Variants in BAIAP2L1 observed in about 807,000 individuals in gnomAD.
BAIAP2L1 encodes BAR/IMD domain-containing adapter protein 2-like 1.
Under a neutral mutation model 66.3 loss-of-function variants are expected in BAIAP2L1, and 35 were observed. That is an observed-to-expected ratio of 0.53 (90% CI 0.40 to 0.70). The LOEUF is 0.70. BAIAP2L1 is among the 30% of genes least tolerant of loss of function. The pLI is 0.00. For missense variants in BAIAP2L1, 622 were observed against 656.9 expected, an observed-to-expected ratio of 0.95 and a Z score of 0.58; for synonymous variants, 269 against 248.7, an observed-to-expected ratio of 1.08 and a Z score of -0.77.
At chr7:98,331,992 G>A (rs542524260) in intron 3 of BAIAP2L1, among the ~76,000 whole-genome samples, 1 of 152,204 alleles carries the variant, frequency 6.6e-6, no homozygotes, top group Non-Finnish European at 1.5e-5. Context: ...AAAAACTGAG[G>A]GGATTGGTTA....
chr7:98,368,253 T>G (rs1802433311), intron 1 of BAIAP2L1, among the ~76,000 whole-genome samples: 1 of 152,070 alleles, frequency 6.6e-6, no homozygotes, highest in Admixed American at 6.6e-5. Flanking sequence ...ACCCTGTCTC[T>G]ACTAAAAAAT....
intron 11 of BAIAP2L1, among the ~76,000 whole-genome samples, chr7:98,305,680 C>G (rs1253699357): frequency 6.6e-6 from 1 of 152,186 alleles, no homozygotes; most frequent in Non-Finnish European, 1.5e-5. Context: ...GCCTCCATCT[C>G]CCAAAGTGCT....
intron 1 of BAIAP2L1, among the ~76,000 whole-genome samples, chr7:98,370,369 T>G (rs1356272356): frequency 5.4e-5 from 3 of 55,258 alleles, no homozygotes. Context: ...TAAGGCTCCG[T>G]CTCAAAAAAA....
At chr7:98,343,262 CACACACACACACACACACACACACAG>C (rs1254798515) in intron 3 of BAIAP2L1, among the ~76,000 whole-genome samples, 15 of 149,658 alleles carry the variant, frequency 1.0e-4, no homozygotes, top group Non-Finnish European at 1.8e-4. Flanking sequence ...CACACACACA[CACACACACACACACACACACACACAG>C]ACACACACAC....
chr7:98,396,892 C>T (rs554793726), intron 1 of BAIAP2L1, among the ~76,000 whole-genome samples: 8 of 152,212 alleles, frequency 5.3e-5, no homozygotes, highest in Non-Finnish European at 8.8e-5. Flanking sequence ...CATCGGAGGG[C>T]GCCAGGAGCC....
At chr7:98,350,250 G>A (rs1384198457) in intron 3 of BAIAP2L1, among the ~76,000 whole-genome samples, 1 of 152,024 alleles carries the variant, frequency 6.6e-6, no homozygotes, top group Non-Finnish European at 1.5e-5. Context: ...TTTCAACCAC[G>A]AGTCAGTGGC....
intron 1 of BAIAP2L1, among the ~76,000 whole-genome samples, chr7:98,382,646 A>G (rs1802785103): frequency 1.3e-5 from 2 of 152,158 alleles, no homozygotes; most frequent in Admixed American, 6.5e-5. Context: ...CCATAACTCT[A>G]TATAGTTATG....
At chr7:98,321,630 C>T (rs1013112338) in intron 3 of BAIAP2L1, among the ~76,000 whole-genome samples, 6 of 152,174 alleles carry the variant, frequency 3.9e-5, no homozygotes, top group Non-Finnish European at 8.8e-5. Context: ...TGAACAAGGG[C>T]CTCTCTCTGC....
intron 1 of BAIAP2L1, among the ~76,000 whole-genome samples, chr7:98,367,668 T>C (rs180824028): frequency 1.3e-5 from 2 of 151,898 alleles, no homozygotes; most frequent in African/African-American, 4.8e-5. Flanking sequence ...CCCGAGTAGC[T>C]GGGACTACAG....
chr7:98,388,580 A>G (rs1802951584), intron 1 of BAIAP2L1, among the ~76,000 whole-genome samples: 1 of 152,246 alleles, frequency 6.6e-6, no homozygotes, highest in South Asian at 2.1e-4. Flanking sequence ...GTTCAGTCAC[A>G]TATTGTACTG....
intron 1 of BAIAP2L1, among the ~76,000 whole-genome samples, chr7:98,399,200 G>C (rs1803290603): frequency 6.6e-6 from 1 of 152,092 alleles, no homozygotes; most frequent in South Asian, 2.1e-4. Flanking sequence ...CTCTATGAAG[G>C]CAACACACGA....
At chr7:98,349,302 C>T (rs967171352) in intron 3 of BAIAP2L1, among the ~76,000 whole-genome samples, 21 of 152,160 alleles carry the variant, frequency 1.4e-4, no homozygotes, top group Middle Eastern at 3.2e-3. Context: ...GCCCGGCACG[C>T]GGTGGACACA....
chr7:98,400,517 C>A lies in BAIAP2L1; in HGVS notation c.51+285G>T, dbSNP rs545679425. On this transcript the variant is annotated intron_variant, in intron 1 of 13. Transcript: ENST00000005260. The stretch of plus-strand genomic sequence containing the variant: ...CGGAGGGGCAGAGGGAGAGGTACAG[C>A]GGGGCGGGAAAGAGAGACAGGGAAG... Among the ~76,000 whole-genome samples, 5 of 108,420 alleles carry A rather than the reference C, an allele frequency of 4.6e-5. No homozygotes were observed. In the South Asian group the frequency reaches 1.8e-3, roughly 39 times the overall value. 71.1% of individuals were successfully genotyped at this position (108,420 alleles called of 152,430 possible). A position where few individuals can be genotyped will look rare whatever the true frequency, so the allele number is the denominator to read the frequency against.
chr7:98,298,592 GAC>G (rs1360216791), intron 12 of BAIAP2L1, among the ~76,000 whole-genome samples: 6 of 152,048 alleles, frequency 3.9e-5, no homozygotes, highest in Non-Finnish European at 7.4e-5. Context: ...CAGCCTGGGT[GAC>G]AGAGCAAGAC....
intron 3 of BAIAP2L1, among the ~76,000 whole-genome samples, chr7:98,348,932 CAG>C (rs567070079): frequency 4.6e-5 from 7 of 152,238 alleles, no homozygotes; most frequent in Non-Finnish European, 7.3e-5. Context: ...CCAGCAGTCT[CAG>C]GGGAAAGTGA....
chr7:98,390,764 T>C (rs1803018831), intron 1 of BAIAP2L1, among the ~76,000 whole-genome samples: 1 of 152,064 alleles, frequency 6.6e-6, no homozygotes, highest in Non-Finnish European at 1.5e-5. Context: ...CAAAAACTCC[T>C]GCCCTAGAGT....
At chr7:98,356,528 G>C (rs973983423) in intron 2 of BAIAP2L1, among the ~76,000 whole-genome samples, 3 of 151,702 alleles carry the variant, frequency 2.0e-5, no homozygotes, top group African/African-American at 7.3e-5. Flanking sequence ...GCAGAGTCTT[G>C]TTCTTTCACC....
At position 98,383,193 on chromosome 7, in the gene BAIAP2L1, AAAAAG is replaced by A. The variant is rs549764352; in HGVS notation, c.51+17604_51+17608del. 3.1e-3 allele frequency among the ~76,000 whole-genome samples: 464 copies of A among 151,968 alleles called. 5 individuals carry two copies. Among genetic ancestry groups the A allele is most frequent in the South Asian group, 0.015 (72 of 4,796 alleles). ...ATCAAAAAAGAAACAAACAAACAAA[AAAAAG>A]AAAAGAAAAGAAAGAATGGAAACAC... is the stretch of plus-strand genomic sequence containing the variant. On this transcript the variant is annotated intron_variant, in intron 1 of 13. Transcript: ENST00000005260.
intron 12 of BAIAP2L1, among the ~76,000 whole-genome samples, chr7:98,301,071 C>T (rs781673428): frequency 7.9e-5 from 12 of 152,252 alleles, no homozygotes; most frequent in South Asian, 4.1e-4. Context: ...CAGTAGAGGC[C>T]GGCTGGATGA....
Sources: gnomAD v4.1 joint callset for allele counts (sites outside exome capture counted in the v4.1 genomes callset) on GRCh38, gnomAD v4.1.1 for gene constraint, MANE v1.5 for transcripts, NCBI Gene and HGNC (gene_info 2026-07-23, HGNC 2026-07-21) for gene names.